The following TMEM117 variants were observed in gnomAD, a reference collection of about 807,000 sequenced individuals.
TMEM117 encodes transmembrane protein 117.
In TMEM117, 27 loss-of-function variants were observed where a neutral mutation model predicts 52.4. The observed-to-expected ratio is 0.51, with a 90% CI of 0.38 to 0.71. TMEM117 has a LOEUF of 0.71. Ranked by LOEUF, TMEM117 falls within the 30% of genes least tolerant of loss-of-function variation. TMEM117 has a pLI of 0.00. For synonymous variants in TMEM117, 215 were observed against 206.3 expected, an observed-to-expected ratio of 1.04 and a Z score of -0.36; for missense variants, 556 against 630.5, an observed-to-expected ratio of 0.88 and a Z score of 1.26.
intron 2 of TMEM117, among the ~76,000 whole-genome samples, chr12:43,889,654 T>C (rs1171300826): frequency 6.6e-6 from 1 of 152,114 alleles, no homozygotes; most frequent in African/African-American, 2.4e-5. Flanking sequence ...GGATTTATCT[T>C]TTTTTTTACT....
chr12:44,318,703 C>T (rs1951090497), intron 6 of TMEM117, among the ~76,000 whole-genome samples: 1 of 151,982 alleles, frequency 6.6e-6, no homozygotes, highest in Non-Finnish European at 1.5e-5. Context: ...AGTCTATGCA[C>T]AGGAAGGGTG....
intron 2 of TMEM117, among the ~76,000 whole-genome samples, chr12:43,898,180 T>A (rs2137497506): frequency 6.6e-6 from 1 of 152,184 alleles, no homozygotes; most frequent in African/African-American, 2.4e-5. Context: ...CAGATGAGTT[T>A]GTAGATTTGG....
At chr12:44,245,826 G>A (rs906935187) in intron 5 of TMEM117, among the ~76,000 whole-genome samples, 3 of 151,994 alleles carry the variant, frequency 2.0e-5, no homozygotes, top group African/African-American at 7.2e-5. Flanking sequence ...AATCAGTCAG[G>A]AAAACAGAAC....
At chr12:43,895,125 C>G (rs1944176402) in intron 2 of TMEM117, among the ~76,000 whole-genome samples, 1 of 152,072 alleles carries the variant, frequency 6.6e-6, no homozygotes, top group African/African-American at 2.4e-5. Context: ...AGTTATTTTT[C>G]CTGATTCTCT....
intron 4 of TMEM117, among the ~76,000 whole-genome samples, chr12:44,163,013 G>C (rs530643217): frequency 6.6e-6 from 1 of 152,114 alleles, no homozygotes; most frequent in East Asian, 1.9e-4. Flanking sequence ...GGTCAGCCTC[G>C]GTTCTTCTGC....
the TMEM117 span, among the ~76,000 whole-genome samples, chr12:43,799,997 G>A: frequency 6.6e-6 from 1 of 152,050 alleles, no homozygotes; most frequent in Non-Finnish European, 1.5e-5. Context: ...TTAGAAGACT[G>A]AGACTCATGA....
At chr12:43,860,385 G>A (rs976471601) in intron 2 of TMEM117, among the ~76,000 whole-genome samples, 4 of 152,158 alleles carry the variant, frequency 2.6e-5, no homozygotes, top group Non-Finnish European at 4.4e-5. Flanking sequence ...GGTCCCTGCT[G>A]TGACTGAGCT....
intron 2 of TMEM117, among the ~76,000 whole-genome samples, chr12:43,852,484 C>A (rs777085696): frequency 1.3e-5 from 2 of 152,148 alleles, no homozygotes; most frequent in Non-Finnish European, 2.9e-5. Flanking sequence ...TGCTTGTAGT[C>A]CCAGCTACTT....
intron 6 of TMEM117, among the ~76,000 whole-genome samples, chr12:44,312,763 T>G (rs1951007110): frequency 6.6e-6 from 1 of 152,322 alleles, no homozygotes; most frequent in East Asian, 1.9e-4. Flanking sequence ...CTCTGCAGCC[T>G]CATCAGCATC....
At chr12:44,342,157 G>A (rs745910313) in intron 6 of TMEM117, among the ~76,000 whole-genome samples, 2 of 152,110 alleles carry the variant, frequency 1.3e-5, no homozygotes, top group African/African-American at 2.4e-5. Context: ...GTGTACTGGC[G>A]TTTGAAAGCA....
At chr12:44,170,831 AG>A (rs1297484336) in intron 4 of TMEM117, among the ~76,000 whole-genome samples, 1 of 152,192 alleles carries the variant, frequency 6.6e-6, no homozygotes, top group African/African-American at 2.4e-5. Flanking sequence ...CCCTTCAACA[AG>A]TTTCCCTTAA....
intron 5 of TMEM117, chr12:44,244,465 C>A (rs1055827174): frequency 7.9e-5 from 12 of 151,886 alleles, no homozygotes; most frequent in African/African-American, 2.7e-4. Context: ...CAACACAAAA[C>A]AATTCAACAT....
At position 43,876,959 on chromosome 12, in the gene TMEM117, A is replaced by G. The variant is rs1254430544; in HGVS notation, c.277+32031A>G. ...TTTTAAACATCTTACTGTGTCAATAAGCATATATTTTCATAATGTGTAATG... is the reference window on the plus strand; with the variant it reads ...TTTTAAACATCTTACTGTGTCAATAGGCATATATTTTCATAATGTGTAATG... On this transcript the variant is annotated intron_variant, in intron 2 of 7. Transcript: ENST00000266534. Among the ~76,000 whole-genome samples, 5 of 152,182 alleles carry G rather than the reference A, an allele frequency of 3.3e-5. No individual in the cohort carries two copies. In the East Asian group the frequency reaches 9.6e-4, roughly 29 times the overall value.
chr12:43,969,018 T>C (rs1165829513), intron 3 of TMEM117, among the ~76,000 whole-genome samples: 1 of 148,998 alleles, frequency 6.7e-6, no homozygotes. Flanking sequence ...AGCGGAAATA[T>C]AAAAAGATAT....
chr12:43,922,649 T>C (rs956176435), intron 2 of TMEM117, among the ~76,000 whole-genome samples: 3 of 152,196 alleles, frequency 2.0e-5, no homozygotes, highest in Non-Finnish European at 4.4e-5. Context: ...TTACACTTGA[T>C]TAAGTTATTT....
rs77046111 is a variant in TMEM117, at chr12:44,051,180, G to A, written c.411-92345G>A. ...AATGTGTATAGACATACACATGGAT[G>A]CCCTTGAAGTCCTGAGAGGACCTTG... is the stretch of plus-strand genomic sequence containing the variant. On this transcript the variant is annotated intron_variant, in intron 3 of 7. Coordinates refer to ENST00000266534, the MANE Select transcript of TMEM117 (RefSeq NM_032256.3). 6.6e-3 allele frequency among the ~76,000 whole-genome samples: 1,002 copies of A among 152,244 alleles called. 5 individuals are homozygous for A. The highest frequency in any genetic ancestry group is 0.011 in the Non-Finnish European group (756 of 68,014).
intron 5 of TMEM117, among the ~76,000 whole-genome samples, chr12:44,265,728 C>A (rs183170113): frequency 6.6e-6 from 1 of 152,222 alleles, no homozygotes; most frequent in East Asian, 1.9e-4. Flanking sequence ...CCAAAAGAAA[C>A]GCCCTACCTA....
In TMEM117 at chr12:44,299,696, T is replaced by G; in HGVS notation, c.725T>G (p.Leu242Arg). The G allele has an allele frequency of 6.2e-7, 1 of 1,614,202 alleles. No individual in the cohort carries two copies. Among genetic ancestry groups the G allele is most frequent in the South Asian group, 1.1e-5 (1 of 91,086 alleles). Residue 242 changes from leucine (L) to arginine (R), a missense_variant, in exon 6 of 8, where the codon CTT becomes CGT. Transcript: ENST00000266534. ...AGTGATGAAGTTTCCAGAGCATTCC[T>G]TGCTTCTTTTATCTTGGTCTTTGAC... Reference protein sequence around the residue: ...LPSDEVSRAFLASFILVFDLL... With the variant: ...LPSDEVSRAFRASFILVFDLL...
intron 6 of TMEM117, among the ~76,000 whole-genome samples, chr12:44,331,047 A>T (rs139958866): frequency 2.0e-5 from 3 of 152,032 alleles, no homozygotes; most frequent in East Asian, 3.9e-4. Context: ...AGGAATCAAT[A>T]TGTAAACAAA....
Sources: allele counts gnomAD v4.1 joint callset (sites outside exome capture counted in the v4.1 genomes callset), GRCh38; gene constraint gnomAD v4.1.1; transcripts MANE v1.5; gene names NCBI Gene and HGNC (gene_info 2026-07-23, HGNC 2026-07-21).